Variants in ZFPM2 observed in about 807,000 individuals in gnomAD.
ZFPM2 encodes zinc finger protein, FOG family member 2.
Under a neutral mutation model 98.6 loss-of-function variants are expected in ZFPM2, and 20 were observed. The ratio of observed to expected loss-of-function variants is 0.20; its 90% confidence interval spans 0.14 to 0.29. The LOEUF is 0.29. Ranked by LOEUF, ZFPM2 falls within the 10% of genes least tolerant of loss-of-function variation. The pLI is 1.00. For synonymous variants in ZFPM2, 518 were observed against 502.7 expected (o/e 1.03, Z -0.41); for missense variants, 1,310 against 1,388.6 (o/e 0.94, Z 0.90).
At chr8:105,745,277 T>A (rs1200884800) in intron 5 of ZFPM2, among the ~76,000 whole-genome samples, 1 of 152,258 alleles carries the variant, frequency 6.6e-6, no homozygotes, top group Non-Finnish European at 1.5e-5. Context: ...GTTTGTTGAA[T>A]TGAATTGTCT....
intron 3 of ZFPM2, among the ~76,000 whole-genome samples, chr8:105,512,076 C>T (rs1333901529): frequency 5.3e-5 from 8 of 152,092 alleles, no homozygotes; most frequent in African/African-American, 1.4e-4. Context: ...ACCTGGGAGG[C>T]GGAGGCTGCA....
At chr8:105,532,552 A>C (rs572881375) in intron 3 of ZFPM2, among the ~76,000 whole-genome samples, 1 of 152,320 alleles carries the variant, frequency 6.6e-6, no homozygotes, top group African/African-American at 2.4e-5. Context: ...AAGCTAATCA[A>C]ATGTTAAGAT....
intron 5 of ZFPM2, among the ~76,000 whole-genome samples, chr8:105,785,437 T>TGTAA (rs1813387492): frequency 9.1e-6 from 1 of 109,536 alleles, no homozygotes; most frequent in Non-Finnish European, 1.7e-5. Context: ...CAGACAAAAG[T>TGTAA]GTAAGTCACA....
intron 5 of ZFPM2, among the ~76,000 whole-genome samples, chr8:105,723,907 CAAT>C (rs1220807352): frequency 6.6e-6 from 1 of 151,730 alleles, no homozygotes; most frequent in Non-Finnish European, 1.5e-5. Context: ...TCTTTCTCCT[CAAT>C]GATTTTTTTA....
At chr8:105,476,862 A>G (rs925556233) in intron 3 of ZFPM2, among the ~76,000 whole-genome samples, 34 of 152,106 alleles carry the variant, frequency 2.2e-4, no homozygotes, top group African/African-American at 8.0e-4. Context: ...GGGGTAGTCA[A>G]TGCCAGCACT....
At chr8:105,370,026 T>C (rs977631982) in intron 1 of ZFPM2, among the ~76,000 whole-genome samples, 1 of 152,158 alleles carries the variant, frequency 6.6e-6, no homozygotes, top group African/African-American at 2.4e-5. Flanking sequence ...TAATTTATAG[T>C]AATATGTTAA....
At position 105,795,246 on chromosome 8, in the gene ZFPM2, T is replaced by TTGTGTGTGTGTG. The variant is rs780534248; in HGVS notation, c.740-3451_740-3440dup. 6.9e-3 allele frequency among the ~76,000 whole-genome samples: 948 copies of TTGTGTGTGTGTG among 138,302 alleles called. 9 individuals carry two copies. The highest frequency in any genetic ancestry group is 0.023 in the African/African-American group (821 of 36,356). 90.7% of individuals were successfully genotyped at this position (138,302 alleles called of 152,430 possible). ...TTGGCTCCTCCCCCTCATTTTATCT[T>TTGTGTGTGTGTG]TGTGTGTGTGTGTGTGTGTGTGTGT... On this transcript the variant is annotated intron_variant, in intron 6 of 7. Coordinates refer to ENST00000407775, the MANE Select transcript of ZFPM2 (RefSeq NM_012082.4).
At chr8:105,676,785 G>C (rs1336073791) in intron 5 of ZFPM2, among the ~76,000 whole-genome samples, 1 of 152,026 alleles carries the variant, frequency 6.6e-6, no homozygotes, top group Non-Finnish European at 1.5e-5. Flanking sequence ...AAATGTCTTA[G>C]TTCATGATTA....
chr8:105,764,667 G>GT (rs1689795739), intron 5 of ZFPM2, among the ~76,000 whole-genome samples: 1 of 151,490 alleles, frequency 6.6e-6, no homozygotes, highest in South Asian at 2.1e-4. Flanking sequence ...AGTGAAATGT[G>GT]TTTTTTCATG....
intron 5 of ZFPM2, among the ~76,000 whole-genome samples, chr8:105,779,292 T>C (rs1240826318): frequency 6.6e-6 from 1 of 152,220 alleles, no homozygotes; most frequent in Non-Finnish European, 1.5e-5. Flanking sequence ...CTATATATTT[T>C]TATGCTAAGC....
intron 1 of ZFPM2, among the ~76,000 whole-genome samples, chr8:105,413,331 AAT>A (rs1197688406): frequency 5.9e-5 from 9 of 151,716 alleles, no homozygotes; most frequent in African/African-American, 2.2e-4. Flanking sequence ...TATCAACTAA[AAT>A]AGAGTATACC....
chr8:105,567,877 A>G (rs1174782451), intron 4 of ZFPM2, among the ~76,000 whole-genome samples: 1 of 152,106 alleles, frequency 6.6e-6, no homozygotes, highest in African/African-American at 2.4e-5. Context: ...GGCATAATTT[A>G]TAATTTTGCT....
intron 1 of ZFPM2, among the ~76,000 whole-genome samples, chr8:105,372,830 T>C (rs1426315999): frequency 6.6e-6 from 1 of 152,092 alleles, no homozygotes. Flanking sequence ...CATCAGGACA[T>C]GCACCGTATT....
chr8:105,330,555 TATATATATATATACATATATATATAC>T lies in ZFPM2; in HGVS notation c.40+11600_40+11625del, dbSNP rs1812196748. ...CTCTCTCTCTATATATATATATACA[TATATATATATATACATATATATATAC>T]ATATATATATATACATATATATATA... On this transcript the variant is annotated intron_variant, in intron 1 of 7. Coordinates refer to ENST00000407775, the MANE Select transcript of ZFPM2 (RefSeq NM_012082.4). Among the ~76,000 whole-genome samples, 16 of 104,902 alleles carry T rather than the reference TATATATATATATACATATATATATAC, an allele frequency of 1.5e-4. 1 individual carries two copies. Among genetic ancestry groups the T allele is most frequent in the Admixed American group, 2.8e-4 (3 of 10,768 alleles). The allele number at this position is 104,902 out of a possible 152,430, so 68.8% of individuals were successfully genotyped here. A position where few individuals can be genotyped will look rare whatever the true frequency, so the allele number is the denominator to read the frequency against.
At chr8:105,670,419 C>A (rs1221391870) in intron 5 of ZFPM2, among the ~76,000 whole-genome samples, 2 of 145,854 alleles carry the variant, frequency 1.4e-5, no homozygotes, top group African/African-American at 5.1e-5. Context: ...TGGCATGAAC[C>A]CGGGAGGCGG....
At chr8:105,628,447 C>T (rs1013733985) in intron 4 of ZFPM2, among the ~76,000 whole-genome samples, 4 of 152,106 alleles carry the variant, frequency 2.6e-5, no homozygotes, top group African/African-American at 7.2e-5. Flanking sequence ...CTGGCAAAAA[C>T]CCCACCCTCA....
intron 4 of ZFPM2, among the ~76,000 whole-genome samples, chr8:105,563,617 G>T (rs1490258151): frequency 6.6e-6 from 1 of 152,106 alleles, no homozygotes; most frequent in Non-Finnish European, 1.5e-5. Context: ...TCCTTTCAGA[G>T]AGCAATATTA....
rs562300590 is a variant in ZFPM2 at position 105,736,560 on chromosome 8, C to A, written c.533-52158C>A. Among the ~76,000 whole-genome samples the A allele has an allele frequency of 2.8e-4, 43 of 151,994 alleles. No individual in the cohort carries two copies. In the South Asian group the frequency reaches 8.5e-3, roughly 30 times the overall value. On this transcript the variant is annotated intron_variant, in intron 5 of 7. Coordinates refer to ENST00000407775, the MANE Select transcript of ZFPM2 (RefSeq NM_012082.4). ...TCCTCTACAGTAGGGAATAAAATGC[C>A]AAGCATATTGATAACTGTTCTGACA...
chr8:105,622,393 A>G (rs1237173175), intron 4 of ZFPM2, among the ~76,000 whole-genome samples: 1 of 152,162 alleles, frequency 6.6e-6, no homozygotes, highest in Non-Finnish European at 1.5e-5. Flanking sequence ...CTTATGACTG[A>G]GAATATTCTC....
Sources: gnomAD v4.1 joint callset for allele counts (sites outside exome capture counted in the v4.1 genomes callset) on GRCh38, gnomAD v4.1.1 for gene constraint, MANE v1.5 for transcripts, NCBI Gene and HGNC (gene_info 2026-07-23, HGNC 2026-07-21) for gene names.